The following CLTB variants were observed in gnomAD, a reference collection of about 807,000 sequenced individuals.
CLTB encodes the protein clathrin, light chain (Lcb).
In CLTB, 10 loss-of-function variants were observed where a neutral mutation model predicts 30.5. That is an observed-to-expected ratio of 0.33 (90% CI 0.20 to 0.56). The LOEUF is 0.56. Ranked by LOEUF, CLTB falls within the 20% of genes least tolerant of loss-of-function variation. The pLI is 0.91. For missense variants in CLTB, 261 were observed against 308.3 expected (o/e 0.85, Z 1.15); for synonymous variants, 102 against 120.3 (o/e 0.85, Z 1.00).
rs1263461747 is a variant in CLTB, at chr5:176,406,466, T to C, written c.234+3791A>G. ...GGATGAGCCACATCCTTCTTTGGGA[T>C]TGATCAGCTAAATCTAAGCTAAGCT... On this transcript the variant is annotated intron_variant, in intron 2 of 5. Transcript: ENST00000310418. 5.1e-6 allele frequency: 6 copies of C among 1,184,232 alleles called. No homozygotes were observed. The African/African-American group carries it at 9.7e-5, about 19-fold the overall frequency. The allele number at this position is 1,184,232 out of a possible 1,614,324, so 73.4% of individuals were successfully genotyped here.
chr5:176,399,613 G>T (rs772611047), intron 2 of CLTB, among the ~76,000 whole-genome samples: 18 of 152,270 alleles, frequency 1.2e-4, no homozygotes, highest in African/African-American at 3.8e-4. Context: ...GGAAAAAAAG[G>T]CCAGGCACGG....
intron 2 of CLTB, 68 bp from the exon 3 acceptor site, chr5:176,398,115 T>A (rs1390313539): frequency 7.0e-7 from 1 of 1,421,306 alleles, no homozygotes; most frequent in East Asian, 2.3e-5. Flanking sequence ...CTGCCCCTGC[T>A]GGGGACCCAC....
rs1260012010 is a variant in CLTB at position 176,397,727 on chromosome 5, C to T, written c.353-9G>A. ...GACCTTAGATGCAGCATCTAGGACCCCACAAGAGAATGAGTGGCTGCTTTC... is the reference window on the plus strand; with the variant it reads ...GACCTTAGATGCAGCATCTAGGACCTCACAAGAGAATGAGTGGCTGCTTTC... On this transcript the variant is annotated splice_polypyrimidine_tract_variant and intron_variant, in intron 3 of 5. Transcript: ENST00000310418. The T allele has an allele frequency of 3.1e-6, 5 of 1,610,542 alleles. No individual in the cohort carries two copies. Among genetic ancestry groups the T allele is most frequent in the Admixed American group, 1.7e-5 (1 of 60,004 alleles).
Position 176,392,939 on chromosome 5 carries a change from G to A in CLTB, c.525C>T (p.Ser175=), listed in dbSNP as rs543389086. 6.2e-6 allele frequency: 10 copies of A among 1,614,094 alleles called. No individual in the cohort carries two copies. The highest frequency in any genetic ancestry group is 3.3e-5 in the South Asian group (3 of 91,086). ...PDADIIGYVA[S]EEAFVKESKE... The stretch of plus-strand genomic sequence containing the variant: ...TGGATTCCTTCACGAAAGCCTCCTC[G>A]GATGCCCTGCGGGTGGAGATAGGAC... Residue 175 remains serine, a synonymous_variant, in exon 6 of 6, where the codon TCC becomes TCT. Coordinates refer to ENST00000310418, the MANE Select transcript of CLTB (RefSeq NM_007097.5). The surrounding 1 kb of genome is among the most constrained non-coding windows in gnomAD (Gnocchi z 5.2).
rs542624985 is a variant in CLTB, at chr5:176,399,836, C to G, written c.235-1789G>C. ...AAGATTGCAGTGAGCAGAGATCGTG[C>G]CACTGCACTCCAGCCTGGGCCACAG... On this transcript the variant is annotated intron_variant, in intron 2 of 5. Coordinates refer to ENST00000310418, the MANE Select transcript of CLTB (RefSeq NM_007097.5). Among the ~76,000 whole-genome samples, 16 of 151,514 alleles carry G rather than the reference C, an allele frequency of 1.1e-4. 1 individual carries two copies. In the South Asian group the frequency reaches 2.9e-3, roughly 28 times the overall value.
intron 2 of CLTB, chr5:176,406,770 G>C (rs1043353681): frequency 4.1e-6 from 5 of 1,209,712 alleles, no homozygotes; most frequent in Non-Finnish European, 4.3e-6. Flanking sequence ...AAAGTGTTGG[G>C]TGTGCACAGG....
rs190249061 is a variant in CLTB, at chr5:176,409,045, C to T, written c.234+1212G>A. Reference sequence around the variant, plus strand: ...AGGCTGGAGTGCAGTGGCGTGATCTCGGCTCACCGCAACCTCCCACTCCCG... The same window carrying T: ...AGGCTGGAGTGCAGTGGCGTGATCTTGGCTCACCGCAACCTCCCACTCCCG... On this transcript the variant is annotated intron_variant, in intron 2 of 5. Transcript: ENST00000310418. 5.6e-3 allele frequency among the ~76,000 whole-genome samples: 856 copies of T among 152,190 alleles called. 9 individuals carry two copies. Among genetic ancestry groups the T allele is most frequent in the African/African-American group, 0.019 (805 of 41,514 alleles).
At chr5:176,410,348 T>C (rs897649883) in intron 1 of CLTB, 45 bp from the exon 2 acceptor site, 8 of 1,576,672 alleles carry the variant, frequency 5.1e-6, no homozygotes, top group African/African-American at 4.0e-5. Context: ...GTTTAGCTTA[T>C]AGCAAGCAGG....
At chr5:176,395,404 C>T (rs950592965) in intron 5 of CLTB, among the ~76,000 whole-genome samples, 3 of 152,160 alleles carry the variant, frequency 2.0e-5, no homozygotes, top group Non-Finnish European at 2.9e-5. Context: ...ACCAATCTGG[C>T]ACAAGGCGAG....
At chr5:176,401,764 C>T (rs961546951) in intron 2 of CLTB, 5 of 456,132 alleles carry the variant, frequency 1.1e-5, no homozygotes, top group African/African-American at 1.0e-4. Context: ...AACAGCGACA[C>T]TGAACAATTT....
chr5:176,415,288 T>G (rs1757638099), intron 1 of CLTB, among the ~76,000 whole-genome samples: 1 of 152,222 alleles, frequency 6.6e-6, no homozygotes, highest in Admixed American at 6.5e-5. Context: ...CGCATCTGAC[T>G]GATGCCTCTT....
rs1336646925 is a variant in CLTB at position 176,397,915 on chromosome 5, C to G, written c.352+15G>C. ...ACAGCCCACCCAGCCAACCCCGCCT[C>G]AGCCCCGCCCTCACCCAGCTCTTGC... On this transcript the variant is annotated intron_variant, in intron 3 of 5. Transcript: ENST00000310418. The G allele has an allele frequency of 6.2e-7, 1 of 1,610,718 alleles. No individual in the cohort carries two copies. Among genetic ancestry groups the G allele is most frequent in the Non-Finnish European group, 8.5e-7 (1 of 1,177,852 alleles).
Position 176,392,527 on chromosome 5 carries a change from A to G in CLTB, c.*247T>C. On this transcript the variant is annotated 3_prime_UTR_variant, in exon 6 of 6. Transcript: ENST00000310418. This position sits in a 1 kb window ranked among gnomAD's most constrained non-coding sequence, Gnocchi z 5.2. ...CAACAACACACCCTTTAAGCCAAGA[A>G]AAAAAATACATCAGGAGGGACAGTC... The G allele has an allele frequency of 1.9e-6, 1 of 513,010 alleles. No individual in the cohort carries two copies. Among genetic ancestry groups the G allele is most frequent in the Non-Finnish European group, 3.5e-6 (1 of 287,184 alleles). 31.8% of individuals were successfully genotyped at this position (513,010 alleles called of 1,614,324 possible).
chr5:176,397,537 C>T (rs1334490527), intron 4 of CLTB, 70 bp downstream of exon 4: 2 of 657,442 alleles, frequency 3.0e-6, no homozygotes, highest in South Asian at 4.1e-5. Context: ...CATGTCCCCA[C>T]GGCCCCCTCA....
Position 176,393,374 on chromosome 5 carries a change from A to T in CLTB, c.519-429T>A, listed in dbSNP as rs934918660. Among the ~76,000 whole-genome samples the T allele has an allele frequency of 6.6e-6, 1 of 152,158 alleles. No homozygotes were observed. The highest frequency in any genetic ancestry group is 1.5e-5 in the Non-Finnish European group (1 of 68,028). ...CTTAGCTATTTCACCATTTCCAAAA[A>T]CTTGGCAGAAGTAGGACACTGACTA... On this transcript the variant is annotated intron_variant, in intron 5 of 5. Coordinates refer to ENST00000310418, the MANE Select transcript of CLTB (RefSeq NM_007097.5). The surrounding 1 kb of genome is among the most constrained non-coding windows in gnomAD (Gnocchi z 4.4).
In CLTB at chr5:176,407,337, G is replaced by A. The variant is rs189684749; in HGVS notation, c.234+2920C>T. Among the ~76,000 whole-genome samples the A allele has an allele frequency of 5.3e-3, 812 of 152,228 alleles. 5 individuals are homozygous for A. The highest frequency in any genetic ancestry group is 6.6e-3 in the Non-Finnish European group (447 of 68,008). ...ACTTTCTTTTTTGAGACAAAGTCTC[G>A]CTCTGTCGTCCAGGCTGGAGTGCAG... On this transcript the variant is annotated intron_variant, in intron 2 of 5. Transcript: ENST00000310418.
intron 2 of CLTB, among the ~76,000 whole-genome samples, chr5:176,399,440 T>A (rs768225821): frequency 1.3e-5 from 2 of 152,162 alleles, no homozygotes; most frequent in Non-Finnish European, 2.9e-5. Flanking sequence ...CTGACTTTTG[T>A]TTTCTCATTT....
At chr5:176,402,039 G>A (rs912654533) in intron 2 of CLTB, among the ~76,000 whole-genome samples, 1 of 152,090 alleles carries the variant, frequency 6.6e-6, no homozygotes, top group Non-Finnish European at 1.5e-5. Context: ...ACGGTGGCTC[G>A]CGCCTATAAT....
At chr5:176,414,763 T>G (rs1272772231) in intron 1 of CLTB, among the ~76,000 whole-genome samples, 10 of 152,202 alleles carry the variant, frequency 6.6e-5, no homozygotes, top group Non-Finnish European at 1.0e-4. Context: ...TCAGATTCTC[T>G]GGGCCACCGG....
Sources: gnomAD v4.1 joint callset for allele counts (sites outside exome capture counted in the v4.1 genomes callset) on GRCh38, gnomAD v4.1.1 for gene constraint, Gnocchi (gnomAD v3.1) non-coding constraint, MANE v1.5 for transcripts, NCBI Gene and HGNC (gene_info 2026-07-23, HGNC 2026-07-21) for gene names.